TAF8: variants seen among roughly 807,000 people sequenced by gnomAD.
TAF8 encodes TATA-box binding protein associated factor 8.
TAF8 carries 47 observed loss-of-function variants against 36.5 expected under a neutral mutation model. The observed-to-expected ratio is 1.29, with a 90% CI of 1.02 to 1.64. The LOEUF (loss-of-function observed/expected upper bound fraction) is 1.64. Ranked by LOEUF, TAF8 falls within the 40% of genes most tolerant of loss-of-function variation. The pLI, the probability that TAF8 is intolerant of heterozygous loss-of-function variation, is 0.00. For synonymous variants in TAF8, 175 were observed against 159.5 expected, an observed-to-expected ratio of 1.10 and a Z score of -0.73; for missense variants, 420 against 407.6, an observed-to-expected ratio of 1.03 and a Z score of -0.26.
At chr6:42,057,542 T>G in intron 5 of TAF8, 29 bp downstream of exon 5, 1 of 1,613,334 alleles carries the variant, frequency 6.2e-7, no homozygotes, top group Non-Finnish European at 8.5e-7. Flanking sequence ...GGACTGCGCG[T>G]GGTGTAAAGC....
chr6:42,061,795 A>C lies in TAF8; in HGVS notation c.489+4282A>C, dbSNP rs1765198056. 2.6e-5 allele frequency among the ~76,000 whole-genome samples: 4 copies of C among 152,218 alleles called. No homozygotes were observed. In the South Asian group the frequency reaches 8.3e-4, roughly 32 times the overall value. On this transcript the variant is annotated intron_variant, in intron 5 of 8. Coordinates refer to ENST00000372977, the MANE Select transcript of TAF8 (RefSeq NM_138572.3). ...TCATTTTTGGGCTTTAGAGGACCTA[A>C]TATCTAAAAGGTTAGAAAGAGACAT...
chr6:42,060,531 T>C (rs1765154811), intron 5 of TAF8, among the ~76,000 whole-genome samples: 2 of 152,106 alleles, frequency 1.3e-5, no homozygotes, highest in Non-Finnish European at 2.9e-5. Flanking sequence ...TACCTATGAG[T>C]TGGGCAAATT....
chr6:42,064,611 G>A (rs1765295970), intron 5 of TAF8, among the ~76,000 whole-genome samples: 1 of 152,032 alleles, frequency 6.6e-6, no homozygotes, highest in Non-Finnish European at 1.5e-5. Context: ...AAGTACAGAT[G>A]TGAGAACTGT....
chr6:42,072,953 G>A (rs9381131), intron 7 of TAF8, among the ~76,000 whole-genome samples: 12,886 of 151,804 alleles, frequency 0.085, 729 homozygotes, highest in East Asian at 0.19. Context: ...TCGATCTCCC[G>A]ACCTCGTGAT....
At chr6:42,056,127 C>T in intron 4 of TAF8, 113 bp downstream of exon 4, 1 of 733,402 alleles carries the variant, frequency 1.4e-6, no homozygotes. Flanking sequence ...TGTGGGCTCT[C>T]TTCCAATGTT....
intron 2 of TAF8, among the ~76,000 whole-genome samples, chr6:42,053,509 G>C (rs192540661): frequency 6.7e-6 from 1 of 149,560 alleles, no homozygotes; most frequent in Non-Finnish European, 1.5e-5. Flanking sequence ...AGATTGCATT[G>C]AGCCAAGATC....
Position 42,078,148 on chromosome 6 carries a change from C to G in TAF8, c.*603C>G, listed in dbSNP as rs1410324949. On this transcript the variant is annotated 3_prime_UTR_variant, in exon 9 of 9. Coordinates refer to ENST00000372977, the MANE Select transcript of TAF8 (RefSeq NM_138572.3). ...TCAAGTGATAACCCGCCTCGGCCTC[C>G]CAAAGTGCTGAGATTACAGGCGTGA... is the stretch of plus-strand genomic sequence containing the variant. 3.1e-6 allele frequency: 3 copies of G among 967,198 alleles called. No homozygotes were observed. The highest frequency in any genetic ancestry group is 3.7e-6 in the Non-Finnish European group (3 of 813,188). The allele number at this position is 967,198 out of a possible 1,614,324, so 59.9% of individuals were successfully genotyped here.
chr6:42,066,743 G>A (rs1374610091), intron 6 of TAF8, among the ~76,000 whole-genome samples: 1 of 152,168 alleles, frequency 6.6e-6, no homozygotes, highest in Non-Finnish European at 1.5e-5. Flanking sequence ...GGCAGCCCAG[G>A]TAGTAGAAGA....
At chr6:42,071,406 A>G (rs113902298) in intron 7 of TAF8, 5 of 170,162 alleles carry the variant, frequency 2.9e-5, no homozygotes, top group African/African-American at 2.7e-5. Context: ...GCTCACTGCA[A>G]CCTCCGCCTC....
At chr6:42,083,519 C>T (rs994867035), downstream of TAF8, among the ~76,000 whole-genome samples, 1 of 152,144 alleles carries the variant, frequency 6.6e-6, no homozygotes, top group Admixed American at 6.5e-5. Flanking sequence ...ACTCCTTAAA[C>T]TTTGCTACTC....
In TAF8 at chr6:42,077,531, A is replaced by G; in HGVS notation, c.921-2A>G. The G allele has an allele frequency of 6.2e-7, 1 of 1,612,978 alleles. No homozygotes were observed. Among genetic ancestry groups the G allele is most frequent in the Non-Finnish European group, 8.5e-7 (1 of 1,179,596 alleles). ...AGGCTCCATGGTTCCTCTTCTTTCT[A>G]GGTCCCTCTCCTGAGCTGAGAAGGA... On this transcript the variant is annotated splice_acceptor_variant, in intron 8 of 8. Transcript: ENST00000372977. LOFTEE classifies it high-confidence loss of function.
chr6:42,058,872 C>T (rs542411851), intron 5 of TAF8, among the ~76,000 whole-genome samples: 1 of 152,314 alleles, frequency 6.6e-6, no homozygotes, highest in East Asian at 1.9e-4. Context: ...GGCCAGCATT[C>T]TTTGGCATTT....
chr6:42,052,442 C>T (rs564759114), intron 2 of TAF8, among the ~76,000 whole-genome samples: 42 of 152,082 alleles, frequency 2.8e-4, no homozygotes, highest in Middle Eastern at 3.4e-3. Flanking sequence ...CTGCCACAGC[C>T]TCCCAAGTAG....
intron 5 of TAF8, among the ~76,000 whole-genome samples, chr6:42,062,935 A>G (rs574625070): frequency 3.3e-5 from 5 of 152,134 alleles, no homozygotes; most frequent in East Asian, 1.9e-4. Context: ...GGCATTCTCT[A>G]TCTCTGTCTT....
rs535615406 is a variant in TAF8, at chr6:42,066,583, C to G, written c.637+124C>G. 1.0e-5 allele frequency: 12 copies of G among 1,144,936 alleles called. No homozygotes were observed. The African/African-American group carries it at 1.5e-4, about 15-fold the overall frequency. 70.9% of individuals were successfully genotyped at this position (1,144,936 alleles called of 1,614,324 possible). Reference sequence around the variant, plus strand: ...TCCTTCCCTTGGGTACAGCTTGCCTCTCAGATTTCTGGCTCCCTTCCCCAG... The same window carrying G: ...TCCTTCCCTTGGGTACAGCTTGCCTGTCAGATTTCTGGCTCCCTTCCCCAG... On this transcript the variant is annotated intron_variant, in intron 6 of 8. Coordinates refer to ENST00000372977, the MANE Select transcript of TAF8 (RefSeq NM_138572.3).
chr6:42,065,837 T>C (rs1254669608), intron 5 of TAF8, among the ~76,000 whole-genome samples: 1 of 152,240 alleles, frequency 6.6e-6, no homozygotes, highest in Non-Finnish European at 1.5e-5. Context: ...TTTTCCACCT[T>C]TCTACTGTGC....
At chr6:42,064,337 C>G (rs1452150633) in intron 5 of TAF8, among the ~76,000 whole-genome samples, 1 of 151,988 alleles carries the variant, frequency 6.6e-6, no homozygotes, top group Admixed American at 6.6e-5. Flanking sequence ...ACTTCAACCT[C>G]TGTCTCCCAG....
chr6:42,085,238 C>T (rs1766009415), downstream of TAF8, among the ~76,000 whole-genome samples: 1 of 152,194 alleles, frequency 6.6e-6, no homozygotes, highest in Non-Finnish European at 1.5e-5. Context: ...GTTTTCATGG[C>T]TGTAGAGTGT....
At chr6:42,058,303 C>T (rs1765076267) in intron 5 of TAF8, among the ~76,000 whole-genome samples, 1 of 152,080 alleles carries the variant, frequency 6.6e-6, no homozygotes, top group South Asian at 2.1e-4. Context: ...AGAATCTAAC[C>T]TGGGAGACAG....
Sources: allele counts gnomAD v4.1 joint callset (sites outside exome capture counted in the v4.1 genomes callset), GRCh38; gene constraint gnomAD v4.1.1; transcripts MANE v1.5; gene names NCBI Gene and HGNC (gene_info 2026-07-23, HGNC 2026-07-21).